The following METTL21C variants were observed in gnomAD, a reference collection of about 807,000 sequenced individuals.
METTL21C encodes the protein protein-lysine methyltransferase METTL21C.
METTL21C carries 21 observed loss-of-function variants against 25.9 expected under a neutral mutation model. The observed-to-expected ratio is 0.81, with a 90% confidence interval of 0.58 to 1.17. The LOEUF is 1.17. Among genes scored for constraint, METTL21C ranks in the 50% most tolerant of loss-of-function variants. The pLI is 0.00. For synonymous variants in METTL21C, 125 were observed against 124.7 expected (o/e 1.00, Z -0.01); for missense variants, 312 against 315.1 (o/e 0.99, Z 0.07).
intron 2 of METTL21C, 30 bp from the exon 3 acceptor site, chr13:102,687,087 G>A (rs1885695330): frequency 1.9e-6 from 3 of 1,555,752 alleles, no homozygotes; most frequent in Non-Finnish European, 2.7e-6. Flanking sequence ...TTTCATGTGG[G>A]CATTGGAACA....
chr13:102,689,268 C>T (rs1219393245), intron 2 of METTL21C, among the ~76,000 whole-genome samples: 2 of 152,148 alleles, frequency 1.3e-5, no homozygotes, highest in African/African-American at 4.8e-5. Context: ...TACACCACTG[C>T]TGTCGTCTAT....
chr13:102,696,374 GACT>G (rs1885947782), upstream of METTL21C, among the ~76,000 whole-genome samples: 1 of 151,302 alleles, frequency 6.6e-6, no homozygotes, highest in Non-Finnish European at 1.5e-5. Flanking sequence ...GGGGGTGGGG[GACT>G]TAGGGGACGG....
At chr13:102,699,725 G>T (rs1444766069), upstream of METTL21C, among the ~76,000 whole-genome samples, 1 of 152,172 alleles carries the variant, frequency 6.6e-6, no homozygotes, top group Non-Finnish European at 1.5e-5. Context: ...CATAACTTCT[G>T]GTCCCTCAAT....
chr13:102,689,725 CCA>C (rs1379177819), intron 2 of METTL21C, among the ~76,000 whole-genome samples: 1 of 152,216 alleles, frequency 6.6e-6, no homozygotes, highest in Admixed American at 6.5e-5. Flanking sequence ...GCCCTGCACC[CCA>C]GTCGGGAGCT....
At chr13:102,697,055 T>A (rs181412658), upstream of METTL21C, among the ~76,000 whole-genome samples, 1 of 152,242 alleles carries the variant, frequency 6.6e-6, no homozygotes, top group East Asian at 1.9e-4. Flanking sequence ...GGAAGCAGAT[T>A]TGGGCTCAAC....
chr13:102,693,047 T>C (rs1293944913), intron 1 of METTL21C, among the ~76,000 whole-genome samples: 5 of 152,156 alleles, frequency 3.3e-5, no homozygotes, highest in Admixed American at 3.3e-4. Context: ...GTTTGACGAT[T>C]GCTCTGGAGT....
chr13:102,694,892 TCTCTCTCTCA>T lies in METTL21C; in HGVS notation c.-404_-395del, dbSNP rs1176240207. 7.0e-6 allele frequency among the ~76,000 whole-genome samples: 1 copy of T among 142,378 alleles called. No homozygotes were observed. The highest frequency in any genetic ancestry group is 1.5e-5 in the Non-Finnish European group (1 of 66,090). The allele number at this position is 142,378 out of a possible 152,430, so 93.4% of individuals were successfully genotyped here. A position where few individuals can be genotyped will look rare whatever the true frequency, so the allele number is the denominator to read the frequency against. ...CTCTCTTTCTCTCTCTCTCTCTCTC[TCTCTCTCTCA>T]CACACACACACACACACACACACAC... On this transcript the variant is annotated 5_prime_UTR_variant, in exon 1 of 4. The change abolishes the stop of an existing upstream ORF in the 5' untranslated region. Coordinates refer to ENST00000267273, the MANE Select transcript of METTL21C (RefSeq NM_001010977.3).
chr13:102,699,642 G>A (rs368153603), upstream of METTL21C, among the ~76,000 whole-genome samples: 5 of 152,224 alleles, frequency 3.3e-5, no homozygotes, highest in African/African-American at 1.2e-4. Flanking sequence ...AAGAACCCTG[G>A]AACCACCGAC....
intron 2 of METTL21C, among the ~76,000 whole-genome samples, chr13:102,688,984 T>C (rs1259048108): frequency 2.0e-5 from 3 of 152,186 alleles, no homozygotes; most frequent in Non-Finnish European, 2.9e-5. Context: ...TTGTGCAGCT[T>C]TCAGGAAGCA....
At chr13:102,693,142 C>G (rs1170938260) in intron 1 of METTL21C, among the ~76,000 whole-genome samples, 1 of 152,024 alleles carries the variant, frequency 6.6e-6, no homozygotes, top group Non-Finnish European at 1.5e-5. Context: ...GTGTAGTGTT[C>G]CTACCGTACA....
intron 2 of METTL21C, among the ~76,000 whole-genome samples, chr13:102,687,560 C>T (rs1476986248): frequency 1.3e-5 from 2 of 152,188 alleles, no homozygotes; most frequent in African/African-American, 4.8e-5. Context: ...CCGTATTGAG[C>T]GACGGGTTAG....
chr13:102,692,873 C>A (rs1047098465), intron 1 of METTL21C, among the ~76,000 whole-genome samples: 1 of 152,074 alleles, frequency 6.6e-6, no homozygotes, highest in African/African-American at 2.4e-5. Context: ...CTTTCCCCAC[C>A]TCTTTTGGGA....
Position 102,686,007 on chromosome 13 carries a change from G to A in METTL21C, c.*24C>T, listed in dbSNP as rs551580546. The A allele has an allele frequency of 3.4e-5, 53 of 1,543,256 alleles. No individual in the cohort carries two copies. In the South Asian group the frequency reaches 4.7e-4, roughly 14 times the overall value. On this transcript the variant is annotated 3_prime_UTR_variant, in exon 4 of 4. Transcript: ENST00000267273. The stretch of plus-strand genomic sequence containing the variant: ...CACATTGCTCAAAAGACACAGTAAC[G>A]TTGTGAAAGGCATTTTGTTGGATTT...
chr13:102,686,613 G>C (rs1321388320), intron 3 of METTL21C, among the ~76,000 whole-genome samples, 188 bp from the exon 4 acceptor site: 1 of 152,114 alleles, frequency 6.6e-6, no homozygotes, highest in Admixed American at 6.5e-5. Flanking sequence ...CTGTAAGATG[G>C]TGAGCAGCCT....
At chr13:102,692,229 G>A (rs1885849449) in intron 1 of METTL21C, among the ~76,000 whole-genome samples, 1 of 152,146 alleles carries the variant, frequency 6.6e-6, no homozygotes, top group South Asian at 2.1e-4. Flanking sequence ...AGGAGGAGGT[G>A]AATACGAGGC....
chr13:102,691,583 C>T (rs61965968), intron 1 of METTL21C, among the ~76,000 whole-genome samples: 28,084 of 151,954 alleles, frequency 0.18, 2,856 homozygotes, highest in Middle Eastern at 0.26. Flanking sequence ...CTCCTGACCT[C>T]GTGATCCACT....
intron 3 of METTL21C, 132 bp downstream of exon 3, chr13:102,686,808 A>C: frequency 1.4e-6 from 1 of 690,196 alleles, no homozygotes; most frequent in Non-Finnish European, 2.5e-6. Flanking sequence ...TTCCTGCCGC[A>C]TGACATTTTG....
At chr13:102,701,934 G>A in the METTL21C span, among the ~76,000 whole-genome samples, 1 of 152,118 alleles carries the variant, frequency 6.6e-6, no homozygotes, top group Admixed American at 6.5e-5. Context: ...GGAGGCTGAG[G>A]CGGGCAAATC....
chr13:102,702,704 C>A, the METTL21C span, among the ~76,000 whole-genome samples: 1 of 152,096 alleles, frequency 6.6e-6, no homozygotes, highest in Non-Finnish European at 1.5e-5. Flanking sequence ...GATTCTCCTG[C>A]CTCAGCCTCC....
Sources: allele counts gnomAD v4.1 joint callset (sites outside exome capture counted in the v4.1 genomes callset), GRCh38; gene constraint gnomAD v4.1.1; transcripts MANE v1.5; gene names NCBI Gene and HGNC (gene_info 2026-07-23, HGNC 2026-07-21).